Variants in CLIC2 observed in about 807,000 individuals in gnomAD.
CLIC2 encodes chloride intracellular channel protein 2.
A neutral mutation model predicts 14.8 loss-of-function variants in CLIC2; 9 were observed. That is an observed-to-expected ratio of 0.61 (90% CI 0.37 to 1.06). The LOEUF is 1.06. Among genes scored for constraint, CLIC2 ranks in the 50% least tolerant of loss-of-function variants. The pLI is 0.01. For missense variants in CLIC2, 148 were observed against 181.4 expected (o/e 0.82, Z 1.06); for synonymous variants, 61 against 66.3 (o/e 0.92, Z 0.39).
chrX:155,328,572 A>T (rs1231169743), intron 1 of CLIC2, among the ~76,000 whole-genome samples: 2 of 111,304 alleles, frequency 1.8e-5, no homozygotes, highest in Non-Finnish European at 3.8e-5. Context: ...TGTCCATAGT[A>T]CCCAAAGCAA....
intron 1 of CLIC2, among the ~76,000 whole-genome samples, chrX:155,313,474 T>C (rs1286168427): frequency 8.9e-6 from 1 of 112,020 alleles, no homozygotes; most frequent in African/African-American, 3.2e-5. Context: ...TAAATGCCCA[T>C]CAATGGTAGA....
chrX:155,303,996 C>G (rs782800918), intron 1 of CLIC2, among the ~76,000 whole-genome samples: 177 of 106,249 alleles, frequency 1.7e-3, no homozygotes, highest in Non-Finnish European at 2.7e-3. Flanking sequence ...CGACCTTTCT[C>G]TCTGGCTGCC....
chrX:155,316,765 A>C (rs1419466295), intron 1 of CLIC2, among the ~76,000 whole-genome samples: 1 of 111,207 alleles, frequency 9.0e-6, no homozygotes, highest in African/African-American at 3.3e-5. Flanking sequence ...GCCAAGTCCC[A>C]AAACTGAAGA....
chrX:155,296,252 C>T (rs1557318329), intron 3 of CLIC2, among the ~76,000 whole-genome samples: 1 of 111,682 alleles, frequency 9.0e-6, no homozygotes, highest in African/African-American at 3.2e-5. Context: ...TTCACAAGAA[C>T]ATTGGGGAAA....
intron 1 of CLIC2, among the ~76,000 whole-genome samples, chrX:155,330,639 C>G (rs1167932914): frequency 9.0e-6 from 1 of 111,037 alleles, no homozygotes; most frequent in Non-Finnish European, 1.9e-5. Flanking sequence ...TAAACATGTA[C>G]CTATGAAAAT....
At chrX:155,309,762 T>C (rs781790527) in intron 1 of CLIC2, 24 of 117,275 alleles carry the variant, frequency 2.0e-4, no homozygotes, top group Admixed American at 1.3e-3. Context: ...TATCTCCCAC[T>C]GGGTCCCTCC....
intron 1 of CLIC2, among the ~76,000 whole-genome samples, chrX:155,305,742 A>G (rs1557319968): frequency 8.9e-6 from 1 of 112,181 alleles, no homozygotes; most frequent in African/African-American, 3.2e-5. Context: ...AATTATTTGT[A>G]TTTTAAAGAC....
At chrX:155,281,541 G>A (rs887151785) in intron 3 of CLIC2, among the ~76,000 whole-genome samples, 2 of 110,486 alleles carry the variant, frequency 1.8e-5, no homozygotes, top group African/African-American at 6.6e-5. Context: ...AGCTAGAAAT[G>A]GTCAGGTCAA....
rs2074964068 is a variant in CLIC2, at chrX:155,291,349, C to A, written c.293+7436G>T. 8 of 825,946 alleles carry A rather than the reference C, an allele frequency of 9.7e-6. No homozygotes were observed. The East Asian group carries it at 2.5e-4, about 26-fold the overall frequency. The allele number at this position is 825,946 out of a possible 1,213,427, so 68.1% of individuals were successfully genotyped here. ...TGGCAAGATCTCTTTAACATCTTCA[C>A]TTGCTTGGATGCAGGTCTGGTGGGA... On this transcript the variant is annotated intron_variant, in intron 3 of 5. Transcript: ENST00000369449.
chrX:155,315,847 A>C (rs1315984643), intron 1 of CLIC2, among the ~76,000 whole-genome samples: 3 of 111,891 alleles, frequency 2.7e-5, no homozygotes, highest in Non-Finnish European at 5.6e-5. Context: ...GAATTCACCA[A>C]ACAAGTTTCT....
chrX:155,316,246 A>G (rs2075094854), intron 1 of CLIC2, among the ~76,000 whole-genome samples: 1 of 111,833 alleles, frequency 8.9e-6, no homozygotes, highest in South Asian at 3.7e-4. Flanking sequence ...AACTTAAACT[A>G]TACCCTAAAA....
At chrX:155,304,089 G>T (rs1445349327) in intron 1 of CLIC2, among the ~76,000 whole-genome samples, 1 of 106,827 alleles carries the variant, frequency 9.4e-6, no homozygotes, top group Non-Finnish European at 1.9e-5. Context: ...GAGTATCTTT[G>T]TGGCGTTCTC....
chrX:155,297,860 C>CAAAAAAAAAAAAAAAAAAAAAA (rs200891873), intron 3 of CLIC2, among the ~76,000 whole-genome samples: 1 of 5,122 alleles, frequency 2.0e-4, no homozygotes, highest in African/African-American at 4.3e-4. Context: ...ACTCCGGTCT[C>CAAAAAAAAAAAAAAAAAAAAAA]AAAAAAAAAA....
chrX:155,328,105 C>T (rs2075144727), intron 1 of CLIC2, among the ~76,000 whole-genome samples: 1 of 111,012 alleles, frequency 9.0e-6, no homozygotes, highest in South Asian at 3.7e-4. Context: ...GGGAACATAA[C>T]AAGGATGCCC....
At chrX:155,281,088 C>G (rs782787873) in intron 3 of CLIC2, among the ~76,000 whole-genome samples, 1 of 106,162 alleles carries the variant, frequency 9.4e-6, no homozygotes, top group South Asian at 4.3e-4. Flanking sequence ...GCCTGGAGGA[C>G]GTTATGTTAA....
chrX:155,302,879 G>A (rs1375121467), intron 1 of CLIC2, among the ~76,000 whole-genome samples: 1 of 82,062 alleles, frequency 1.2e-5, no homozygotes, highest in African/African-American at 4.3e-5. Context: ...TTTCCATGTA[G>A]TTGAGCGGTT....
At chrX:155,291,325 G>A in intron 3 of CLIC2, 1 of 891,157 alleles carries the variant, frequency 1.1e-6, no homozygotes, top group Non-Finnish European at 1.6e-6. Flanking sequence ...TTCTGGCTCT[G>A]GCAAGATCTC....
At chrX:155,283,477 C>T (rs782690048) in intron 3 of CLIC2, among the ~76,000 whole-genome samples, 1 of 111,461 alleles carries the variant, frequency 9.0e-6, no homozygotes, top group African/African-American at 3.3e-5. Flanking sequence ...ATGTGCACAA[C>T]ATGCAGGTTT....
intron 1 of CLIC2, among the ~76,000 whole-genome samples, chrX:155,300,171 G>C (rs1196001450): frequency 9.1e-6 from 1 of 109,544 alleles, no homozygotes; most frequent in East Asian, 2.9e-4. Context: ...CACAATGGTT[G>C]AACTAGTTTA....
Sources: allele counts gnomAD v4.1 joint callset (sites outside exome capture counted in the v4.1 genomes callset), GRCh38; gene constraint gnomAD v4.1.1; transcripts MANE v1.5; gene names NCBI Gene and HGNC (gene_info 2026-07-23, HGNC 2026-07-21).